The following RBFOX1 variants were observed in gnomAD, a reference collection of about 807,000 sequenced individuals.
RBFOX1 encodes RNA binding protein fox-1 homolog 1.
A neutral mutation model predicts 57.7 loss-of-function variants in RBFOX1; 8 were observed. The ratio of observed to expected loss-of-function variants is 0.14; its 90% confidence interval spans 0.08 to 0.25. RBFOX1 has a LOEUF of 0.25. RBFOX1 is among the 10% of genes least tolerant of loss of function. The pLI is 1.00. For synonymous variants in RBFOX1, 326 were observed against 222.4 expected (o/e 1.47, Z -4.15); for missense variants, 611 against 548.5 (o/e 1.11, Z -1.14).
chr16:7,332,219 A>G (rs958306695), intron 4 of RBFOX1, among the ~76,000 whole-genome samples: 1 of 152,202 alleles, frequency 6.6e-6, no homozygotes, highest in African/African-American at 2.4e-5. Context: ...CCATTTAACT[A>G]GTATCAGCCC....
At chr16:5,918,577 T>G (rs1019404763) in intron 4 of RBFOX1, among the ~76,000 whole-genome samples, 1 of 152,198 alleles carries the variant, frequency 6.6e-6, no homozygotes, top group Non-Finnish European at 1.5e-5. Context: ...TATAACAAAA[T>G]TAGTCCACAA....
intron 1 of RBFOX1, among the ~76,000 whole-genome samples, chr16:5,362,104 A>G (rs569590953): frequency 6.6e-6 from 1 of 152,368 alleles, no homozygotes; most frequent in African/African-American, 2.4e-5. Context: ...TGTCATCTCA[A>G]CAAATGTTTA....
At chr16:7,200,541 T>G (rs752006988) in intron 4 of RBFOX1, among the ~76,000 whole-genome samples, 8 of 152,170 alleles carry the variant, frequency 5.3e-5, no homozygotes, top group Non-Finnish European at 1.0e-4. Context: ...TGCATGGAGC[T>G]CATATTTTCT....
chr16:6,603,793 TTTTA>T (rs1009307885), intron 2 of RBFOX1, among the ~76,000 whole-genome samples: 2 of 152,184 alleles, frequency 1.3e-5, no homozygotes, highest in African/African-American at 4.8e-5. Context: ...TGGCTGCCTT[TTTTA>T]TTTCTCGTCC....
chr16:5,387,234 A>G (rs944407532), intron 1 of RBFOX1, among the ~76,000 whole-genome samples: 8 of 152,110 alleles, frequency 5.3e-5, no homozygotes, highest in Admixed American at 3.9e-4. Flanking sequence ...TTGAGGGATG[A>G]ATAAGTAAGG....
intron 3 of RBFOX1, among the ~76,000 whole-genome samples, chr16:5,618,334 TTTTTTTTGTGTG>T (rs2048103796): frequency 1.0e-5 from 1 of 99,018 alleles, no homozygotes; most frequent in Non-Finnish European, 2.4e-5. Context: ...TGCAGATTTT[TTTTTTTTGTGTG>T]TGTGTGTGTG....
intron 3 of RBFOX1, among the ~76,000 whole-genome samples, chr16:5,679,772 C>T (rs17138337): frequency 6.6e-6 from 1 of 152,026 alleles, no homozygotes; most frequent in African/African-American, 2.4e-5. Flanking sequence ...CTCTACCACA[C>T]GTTTTCTGGG....
intron 3 of RBFOX1, among the ~76,000 whole-genome samples, chr16:5,777,967 C>A (rs903078647): frequency 6.6e-6 from 1 of 152,116 alleles, no homozygotes; most frequent in Non-Finnish European, 1.5e-5. Context: ...TATGTGGTCA[C>A]GTCCTCATTT....
rs577386050 is a variant in RBFOX1 at position 5,856,259 on chromosome 16, A to G, written c.319-11044A>G. On this transcript the variant is annotated intron_variant, in intron 3 of 19. Coordinates refer to the RBFOX1 transcript ENST00000641259. ...TATATGTGTATATATATGTATATAT[A>G]TGTATATATATATACACATATATAT... Among the ~76,000 whole-genome samples, 191 of 35,160 alleles carry G rather than the reference A, an allele frequency of 5.4e-3. 15 individuals are homozygous for G. Among genetic ancestry groups the G allele is most frequent in the African/African-American group, 0.02 (187 of 9,400 alleles). The allele number at this position is 35,160 out of a possible 152,430, so 23.1% of individuals were successfully genotyped here.
At chr16:7,683,034 A>ATATATATATATATATATATATATATAT (rs1568439301) in intron 14 of RBFOX1, among the ~76,000 whole-genome samples, 1 of 92,578 alleles carries the variant, frequency 1.1e-5, no homozygotes, top group Non-Finnish European at 2.2e-5. Flanking sequence ...ATATATATAT[A>ATATATATATATATATATATATATATAT]AAACAGTGCT....
intron 1 of RBFOX1, among the ~76,000 whole-genome samples, chr16:6,288,654 C>G (rs2077142318): frequency 6.6e-6 from 1 of 152,138 alleles, no homozygotes; most frequent in South Asian, 2.1e-4. Flanking sequence ...GAGATTTAAA[C>G]CCAAGAACTC....
intron 2 of RBFOX1, among the ~76,000 whole-genome samples, chr16:5,514,164 C>T (rs2043704492): frequency 6.6e-6 from 1 of 152,124 alleles, no homozygotes; most frequent in Non-Finnish European, 1.5e-5. Context: ...GATTATCTTA[C>T]AAGTTTATGA....
chr16:5,533,776 C>G (rs538720702), intron 2 of RBFOX1, among the ~76,000 whole-genome samples: 1 of 152,110 alleles, frequency 6.6e-6, no homozygotes, highest in African/African-American at 2.4e-5. Context: ...GACTGGCTCC[C>G]TGAGTGTGAT....
At chr16:7,333,843 G>T (rs770109745) in intron 4 of RBFOX1, among the ~76,000 whole-genome samples, 5 of 151,880 alleles carry the variant, frequency 3.3e-5, no homozygotes, top group Non-Finnish European at 1.5e-5. Context: ...GAAGTTCTCC[G>T]TTGAAAGCTA....
chr16:7,434,863 C>T (rs1423807164), intron 4 of RBFOX1, among the ~76,000 whole-genome samples: 1 of 151,984 alleles, frequency 6.6e-6, no homozygotes, highest in Non-Finnish European at 1.5e-5. Context: ...CCTCAGCCTC[C>T]TGGGTAGATG....
chr16:7,321,184 G>A (rs1336643057), intron 4 of RBFOX1, among the ~76,000 whole-genome samples: 1 of 150,902 alleles, frequency 6.6e-6, no homozygotes, highest in Non-Finnish European at 1.5e-5. Context: ...TTGCTCTGCT[G>A]CCCAGGCTGG....
chr16:7,013,539 A>G (rs895368789), intron 3 of RBFOX1, among the ~76,000 whole-genome samples: 1 of 152,190 alleles, frequency 6.6e-6, no homozygotes, highest in African/African-American at 2.4e-5. Context: ...AATTGTCTGT[A>G]TCAAAATGTT....
At chr16:7,092,414 C>A (rs975381328) in intron 4 of RBFOX1, among the ~76,000 whole-genome samples, 1 of 152,226 alleles carries the variant, frequency 6.6e-6, no homozygotes, top group Non-Finnish European at 1.5e-5. Flanking sequence ...TGCTTTAGAA[C>A]TTACTGTTTT....
At position 7,145,917 on chromosome 16, in the gene RBFOX1, G is replaced by A. The variant is rs548265224; in HGVS notation, c.27+93819G>A. 5.3e-5 allele frequency among the ~76,000 whole-genome samples: 8 copies of A among 152,168 alleles called. No individual in the cohort carries two copies. The South Asian group carries it at 1.7e-3, about 32-fold the overall frequency. ...CATCCCCTCAAGTCCATGACCCTCT[G>A]GCGGAGTAGCCGTAGTGGACAGGTG... On this transcript the variant is annotated intron_variant, in intron 4 of 15. Coordinates refer to ENST00000550418, the MANE Select transcript of RBFOX1 (RefSeq NM_018723.4).
Sources: gnomAD v4.1 joint callset for allele counts (sites outside exome capture counted in the v4.1 genomes callset) on GRCh38, gnomAD v4.1.1 for gene constraint, MANE v1.5 for transcripts, NCBI Gene and HGNC (gene_info 2026-07-23, HGNC 2026-07-21) for gene names.